Variants in TULP4 observed in about 807,000 individuals in gnomAD.
TULP4 encodes the protein TUB like protein 4.
Under a neutral mutation model 129.0 loss-of-function variants are expected in TULP4, and 16 were observed. The ratio of observed to expected loss-of-function variants is 0.12; its 90% CI spans 0.08 to 0.19. TULP4 has a LOEUF of 0.19. Among genes scored for constraint, TULP4 ranks in the 10% least tolerant of loss-of-function variants. The probability of loss-of-function intolerance (pLI) is 1.00; values close to 1 mark genes in which losing one functional copy is unlikely to be tolerated. For missense variants in TULP4, 1,842 were observed against 2,059.1 expected (o/e 0.89, Z 2.04); for synonymous variants, 998 against 854.0 (o/e 1.17, Z -2.94).
intron 1 of TULP4, among the ~76,000 whole-genome samples, chr6:158,410,158 A>AT (rs1386126814): frequency 3.3e-5 from 5 of 152,214 alleles, no homozygotes; most frequent in African/African-American, 9.6e-5. Flanking sequence ...CTGGCCACTG[A>AT]TTAAGAATTT....
At chr6:158,348,686 G>C (rs1194907929) in intron 1 of TULP4, among the ~76,000 whole-genome samples, 4 of 152,082 alleles carry the variant, frequency 2.6e-5, no homozygotes, top group Non-Finnish European at 5.9e-5. Context: ...GATGGTCGCT[G>C]TCTCTTCGGA....
At position 158,413,282 on chromosome 6, in the gene TULP4, A is replaced by G; in HGVS notation, c.381+89A>G. The stretch of plus-strand genomic sequence containing the variant: ...TCCGGAGCCAGTGCGTTAGCACCAC[A>G]CAGCGCCACGTGCTCCAGAGCTGGG... On this transcript the variant is annotated intron_variant, in intron 2 of 13. Transcript: ENST00000367097. This position sits in a 1 kb window ranked among gnomAD's most constrained non-coding sequence, Gnocchi z 4.9. The G allele has an allele frequency of 7.0e-7, 1 of 1,436,116 alleles. No homozygotes were observed. Among genetic ancestry groups the G allele is most frequent in the South Asian group, 1.4e-5 (1 of 69,914 alleles). The allele number at this position is 1,436,116 out of a possible 1,614,324, so 89.0% of individuals were successfully genotyped here.
chr6:158,240,834 T>C (rs1461717025), intron 1 of TULP4, among the ~76,000 whole-genome samples: 3 of 145,534 alleles, frequency 2.1e-5, no homozygotes, highest in Non-Finnish European at 4.5e-5. Context: ...CATGGCTGGC[T>C]GGGCGGGGGG....
rs1021641339 is a variant in TULP4, at chr6:158,511,779, T to G, written c.*5085T>G. ...TTATTTTTTTCTTGATGATTTGAAG[T>G]TGTAAGAGTTGTCCAGCTATTGCTT... On this transcript the variant is annotated 3_prime_UTR_variant, in exon 14 of 14. Transcript: ENST00000367097. 2.0e-5 allele frequency: 3 copies of G among 152,216 alleles called. No individual in the cohort carries two copies. The highest frequency in any genetic ancestry group is 7.2e-5 in the African/African-American group (3 of 41,452). 9.4% of individuals were successfully genotyped at this position (152,216 alleles called of 1,614,324 possible). A position where few individuals can be genotyped will look rare whatever the true frequency, so the allele number is the denominator to read the frequency against.
chr6:158,260,950 A>G (rs1778342120), intron 1 of TULP4, among the ~76,000 whole-genome samples: 1 of 151,764 alleles, frequency 6.6e-6, no homozygotes, highest in Non-Finnish European at 1.5e-5. Context: ...CCTCCCGAGT[A>G]GCTGGGATTA....
chr6:158,381,447 G>T (rs1247536080), intron 1 of TULP4, among the ~76,000 whole-genome samples: 1 of 152,206 alleles, frequency 6.6e-6, no homozygotes, highest in Non-Finnish European at 1.5e-5. Context: ...GGCAGTTCAG[G>T]ACAGATTTTA....
At chr6:158,374,987 A>G (rs1350631541) in intron 1 of TULP4, among the ~76,000 whole-genome samples, 1 of 152,198 alleles carries the variant, frequency 6.6e-6, no homozygotes, top group African/African-American at 2.4e-5. Flanking sequence ...TCACACCTGT[A>G]ATCCCAGCAC....
chr6:158,389,536 T>G (rs1777538033), intron 1 of TULP4, among the ~76,000 whole-genome samples: 1 of 152,244 alleles, frequency 6.6e-6, no homozygotes, highest in Non-Finnish European at 1.5e-5. Context: ...ATACTTTTTT[T>G]TTAATCATAT....
chr6:158,437,064 A>T (rs1459169466), intron 3 of TULP4, among the ~76,000 whole-genome samples: 1 of 152,156 alleles, frequency 6.6e-6, no homozygotes, highest in African/African-American at 2.4e-5. Flanking sequence ...TTGGGGAGAG[A>T]AGCAGTAACA....
intron 6 of TULP4, among the ~76,000 whole-genome samples, chr6:158,464,233 A>G (rs1779505247): frequency 6.6e-6 from 1 of 152,190 alleles, no homozygotes; most frequent in African/African-American, 2.4e-5. Context: ...CATTTTAGGG[A>G]GACAGAAGTT....
intron 1 of TULP4, among the ~76,000 whole-genome samples, chr6:158,409,288 A>AG (rs765388594): frequency 1.2e-4 from 19 of 152,276 alleles, no homozygotes; most frequent in South Asian, 2.1e-4. Context: ...CTAAAATGAG[A>AG]GAACATGTCT....
intron 11 of TULP4, among the ~76,000 whole-genome samples, chr6:158,495,510 T>G (rs555435778): frequency 6.6e-6 from 1 of 152,290 alleles, no homozygotes; most frequent in Non-Finnish European, 1.5e-5. Flanking sequence ...TTTGGTAAAC[T>G]CCTGAAGAAA....
At chr6:158,405,439 T>C (rs980251629) in intron 1 of TULP4, among the ~76,000 whole-genome samples, 5 of 152,176 alleles carry the variant, frequency 3.3e-5, no homozygotes, top group African/African-American at 7.2e-5. Flanking sequence ...AGACTATTTA[T>C]TGGTGATCAA....
intron 1 of TULP4, among the ~76,000 whole-genome samples, chr6:158,302,796 T>TA (rs1779153626): frequency 6.6e-6 from 1 of 151,968 alleles, no homozygotes; most frequent in Non-Finnish European, 1.5e-5. Flanking sequence ...CTGTAAGAGT[T>TA]ATGTGGAATA....
intron 1 of TULP4, among the ~76,000 whole-genome samples, chr6:158,293,995 C>T (rs1375977871): frequency 6.6e-6 from 1 of 152,132 alleles, no homozygotes; most frequent in Admixed American, 6.5e-5. Flanking sequence ...AATTAGGAAA[C>T]AAAACTACCT....
At chr6:158,470,229 C>A (rs962573839) in intron 6 of TULP4, among the ~76,000 whole-genome samples, 2 of 152,176 alleles carry the variant, frequency 1.3e-5, no homozygotes, top group African/African-American at 2.4e-5. Context: ...TGGGAGTCAG[C>A]GGCGGGTCTG....
At chr6:158,272,564 A>G (rs1778570294) in intron 1 of TULP4, among the ~76,000 whole-genome samples, 1 of 152,186 alleles carries the variant, frequency 6.6e-6, no homozygotes, top group Admixed American at 6.5e-5. Context: ...TAGAGAGCTT[A>G]CAATTAACTC....
chr6:158,321,837 T>C (rs1179719769), intron 1 of TULP4, among the ~76,000 whole-genome samples: 2 of 152,218 alleles, frequency 1.3e-5, no homozygotes, highest in Non-Finnish European at 1.5e-5. Context: ...TTTAAAAATA[T>C]TATAAAAATT....
At chr6:158,250,137 A>G (rs967525020) in intron 1 of TULP4, among the ~76,000 whole-genome samples, 1 of 149,590 alleles carries the variant, frequency 6.7e-6, no homozygotes, top group African/African-American at 2.5e-5. Flanking sequence ...TTCCTAGTTA[A>G]AATGCATTTC....
Sources: gnomAD v4.1 joint callset for allele counts (sites outside exome capture counted in the v4.1 genomes callset) on GRCh38, gnomAD v4.1.1 for gene constraint, Gnocchi (gnomAD v3.1) non-coding constraint, MANE v1.5 for transcripts, NCBI Gene and HGNC (gene_info 2026-07-23, HGNC 2026-07-21) for gene names.